Variants in SBNO2 observed in about 807,000 individuals in gnomAD.
SBNO2 encodes strawberry notch homolog 2, also known as protein strawberry notch homolog 2.
Under a neutral mutation model 146.3 loss-of-function variants are expected in SBNO2, and 89 were observed. The observed-to-expected ratio is 0.61, with a 90% CI of 0.51 to 0.73. The LOEUF is 0.73. Ranked by LOEUF, SBNO2 falls within the 30% of genes least tolerant of loss-of-function variation. The pLI, the probability that SBNO2 is intolerant of heterozygous loss-of-function variation, is 0.00. For synonymous variants in SBNO2, 1,147 were observed against 892.6 expected, an observed-to-expected ratio of 1.29 and a Z score of -5.08; for missense variants, 2,092 against 2,003.7, an observed-to-expected ratio of 1.04 and a Z score of -0.84.
chr19:1,167,970 C>T (rs1485797489), intron 1 of SBNO2, among the ~76,000 whole-genome samples: 2 of 152,188 alleles, frequency 1.3e-5, no homozygotes, highest in African/African-American at 2.4e-5. Flanking sequence ...CCCCACCCCT[C>T]CCACATCCTC....
intron 9 of SBNO2, 21 bp downstream of exon 9, chr19:1,122,637 C>T (rs1568577418): frequency 2.0e-6 from 3 of 1,527,496 alleles, no homozygotes; most frequent in African/African-American, 1.4e-5. Context: ...CTCCCGCCCC[C>T]TGCCCCAGGC....
intron 4 of SBNO2, among the ~76,000 whole-genome samples, chr19:1,139,859 C>T (rs1157266908): frequency 6.6e-6 from 1 of 151,914 alleles, no homozygotes; most frequent in Non-Finnish European, 1.5e-5. Flanking sequence ...ACAGGAGAAT[C>T]GCTTGAACCT....
rs1004825261 is a variant in SBNO2, at chr19:1,120,095, C to G, written c.1150-72G>C. The G allele has an allele frequency of 6.5e-6, 8 of 1,224,640 alleles. No individual in the cohort carries two copies. In the African/African-American group the frequency reaches 1.2e-4, roughly 19 times the overall value. The allele number at this position is 1,224,640 out of a possible 1,614,324, so 75.9% of individuals were successfully genotyped here. On this transcript the variant is annotated intron_variant, in intron 11 of 31. Transcript: ENST00000361757. ...CCCAGGAGCCCAGGTCCTGACCACCCAAGACCCCACCTTCCTGGTGGGGGG... is the reference window on the plus strand; with the variant it reads ...CCCAGGAGCCCAGGTCCTGACCACCGAAGACCCCACCTTCCTGGTGGGGGG...
chr19:1,123,905 G>C, intron 6 of SBNO2, 37 bp downstream of exon 6: 1 of 1,586,124 alleles, frequency 6.3e-7, no homozygotes, highest in Non-Finnish European at 8.6e-7. Context: ...TCCCATGAGA[G>C]GGCAGGGGAG....
chr19:1,115,935 G>T lies in SBNO2; in HGVS notation c.1885+86C>A, dbSNP rs78208270. On this transcript the variant is annotated intron_variant, in intron 17 of 31. Transcript: ENST00000361757. ...CATTTGGCTGAGTGGACGGGGGAGT[G>T]GGGGAAGCAGGGAGCGACCAGCCAG... 6.2e-3 allele frequency: 6,724 copies of T among 1,090,408 alleles called. 267 individuals carry two copies. The African/African-American group carries it at 0.091, about 15-fold the overall frequency. 67.5% of individuals were successfully genotyped at this position (1,090,408 alleles called of 1,614,324 possible).
intron 4 of SBNO2, chr19:1,128,352 A>G (rs2079991245): frequency 1.4e-5 from 5 of 354,882 alleles, no homozygotes; most frequent in Non-Finnish European, 2.8e-5. Flanking sequence ...GGGATGACAC[A>G]CACACACGCG....
intron 5 of SBNO2, 154 bp downstream of exon 5, chr19:1,127,450 C>T (rs753418676): frequency 1.4e-6 from 1 of 730,494 alleles, no homozygotes; most frequent in Non-Finnish European, 2.3e-6. Flanking sequence ...AACTAACCAC[C>T]TCATCCATGG....
At chr19:1,167,301 C>T (rs146151271) in intron 1 of SBNO2, among the ~76,000 whole-genome samples, 5 of 152,388 alleles carry the variant, frequency 3.3e-5, no homozygotes, top group African/African-American at 1.2e-4. Flanking sequence ...CTGCTGACAA[C>T]GACACCCACG....
intron 1 of SBNO2, among the ~76,000 whole-genome samples, chr19:1,156,427 A>AGGAGGC (rs888654590): frequency 4.6e-5 from 7 of 152,226 alleles, no homozygotes; most frequent in South Asian, 2.1e-4. Context: ...GCCCAAAACC[A>AGGAGGC]GGAGGCGGAG....
In SBNO2 at chr19:1,127,762, A is replaced by C; in HGVS notation, c.283T>G (p.Ser95Ala). 1 of 1,612,938 alleles carries C rather than the reference A, an allele frequency of 6.2e-7. No individual in the cohort carries two copies. The highest frequency in any genetic ancestry group is 8.5e-7 in the Non-Finnish European group (1 of 1,179,360). The change falls in exon 5 of 32, where the codon TCC (serine) becomes GCC (alanine). Residue 95 changes from serine to alanine, a missense_variant. Physicochemically the swap from Ser to Ala is moderately conservative, Grantham distance 99. Coordinates refer to ENST00000361757, the MANE Select transcript of SBNO2 (RefSeq NM_014963.3). Reference protein sequence around the residue: ...PPKTCDFAQDSSYFEDFSNIS... With the variant: ...PPKTCDFAQDASYFEDFSNIS... ...TTGGAGAAGTCCTCAAAATAGGAGG[A>C]GTCCTGGAAGACAAGGCCAGGCCCG...
At chr19:1,111,199 C>A (rs2079755235) in intron 24 of SBNO2, 106 bp from the exon 25 acceptor site, 1 of 1,295,298 alleles carries the variant, frequency 7.7e-7, no homozygotes, top group Admixed American at 2.3e-5. Flanking sequence ...GGCTGGGGAG[C>A]AGCTGCAGCC....
chr19:1,114,343 G>T lies in SBNO2; in HGVS notation c.1965C>A (p.Ser655Arg). 6.4e-7 allele frequency: 1 copy of T among 1,557,258 alleles called. No individual in the cohort carries two copies. Among genetic ancestry groups the T allele is most frequent in the South Asian group, 1.2e-5 (1 of 84,406 alleles). ...TAGVIRISDD[S>R]STESDPGLDS... ...CCAGGCCAGGGTCCGACTCCGTGCT[G>T]CTGTCGTCACTGATGCGGATGACGC... The change falls in exon 18 of 32, where the codon AGC becomes AGA. Residue 655 changes from serine (S) to arginine (R), a missense_variant. Transcript: ENST00000361757.
rs1340866379 is a variant in SBNO2 at position 1,108,532 on chromosome 19, G to A, written c.3789C>T (p.Pro1263=). The A allele has an allele frequency of 1.1e-5, 13 of 1,220,862 alleles. No homozygotes were observed. Among genetic ancestry groups the A allele is most frequent in the Non-Finnish European group, 1.2e-5 (12 of 978,718 alleles). The allele number at this position is 1,220,862 out of a possible 1,614,324, so 75.6% of individuals were successfully genotyped here. A position where few individuals can be genotyped will look rare whatever the true frequency, so the allele number is the denominator to read the frequency against. The part of the protein sequence containing the change: ...PGEVLDLTYS[P]PAEAFPPPPH... ...GGGGCGGCGGGAAGGCCTCGGCCGGGGGGCTGTAGGTGAGGTCCAGCACCT... is the reference window on the plus strand; with the variant it reads ...GGGGCGGCGGGAAGGCCTCGGCCGGAGGGCTGTAGGTGAGGTCCAGCACCT... The change falls in exon 32 of 32, where the codon CCC becomes CCT. Residue 1263 remains proline (P), a synonymous_variant. Coordinates refer to ENST00000361757, the MANE Select transcript of SBNO2 (RefSeq NM_014963.3).
chr19:1,164,879 G>A, intron 1 of SBNO2, among the ~76,000 whole-genome samples: 1 of 108,466 alleles, frequency 9.2e-6, no homozygotes, highest in African/African-American at 3.5e-5. Flanking sequence ...ACAGGAGGAG[G>A]AGGAGGAACA....
intron 1 of SBNO2, among the ~76,000 whole-genome samples, chr19:1,167,693 G>A (rs1001072264): frequency 6.6e-6 from 1 of 152,104 alleles, no homozygotes. Context: ...CCTGTGCCCC[G>A]GGAGGCACCA....
rs2079700831 is a variant in SBNO2 at position 1,108,414 on chromosome 19, G to C, written c.3907C>G (p.Leu1303Val). Residue 1303 changes from leucine to valine, a missense_variant, in exon 32 of 32, where the codon CTC (leucine) becomes GTC (valine). Transcript: ENST00000361757. ...TPDAQADPAA[L>V]AHQGCDINFK... ...TTGATGTCGCAGCCCTGGTGCGCGAGGGCCGCAGGGTCGGCCTGGGCGTCG... is the reference window on the plus strand; with the variant it reads ...TTGATGTCGCAGCCCTGGTGCGCGACGGCCGCAGGGTCGGCCTGGGCGTCG... 1 of 1,272,824 alleles carries C rather than the reference G, an allele frequency of 7.9e-7. No individual in the cohort carries two copies. Among genetic ancestry groups the C allele is most frequent in the African/African-American group, 1.6e-5 (1 of 61,864 alleles). The allele number at this position is 1,272,824 out of a possible 1,614,324, so 78.8% of individuals were successfully genotyped here.
rs8104103 is a variant in SBNO2, at chr19:1,170,734, C to T, written c.-127+3438G>A. Among the ~76,000 whole-genome samples, 878 of 152,214 alleles carry T rather than the reference C, an allele frequency of 5.8e-3. 4 individuals are homozygous for T. The highest frequency in any genetic ancestry group is 9.7e-3 in the Non-Finnish European group (662 of 68,008). ...TGCATGAGAACACGCAGCACGCACA[C>T]AACACACACAACGGACACGTGCATA... On this transcript the variant is annotated intron_variant, in intron 1 of 31. Coordinates refer to ENST00000361757, the MANE Select transcript of SBNO2 (RefSeq NM_014963.3).
intron 4 of SBNO2, among the ~76,000 whole-genome samples, chr19:1,132,634 T>G (rs2080043865): frequency 1.3e-5 from 2 of 152,182 alleles, no homozygotes; most frequent in African/African-American, 2.4e-5. Context: ...ACCCCACGCA[T>G]GCCAAGCGCA....
chr19:1,116,378 C>T (rs1264354788), intron 16 of SBNO2, among the ~76,000 whole-genome samples: 1 of 140,972 alleles, frequency 7.1e-6, no homozygotes, highest in Non-Finnish European at 1.5e-5. Context: ...AGGACAGGGG[C>T]AGGGGGCAGG....
Sources: allele counts gnomAD v4.1 joint callset (sites outside exome capture counted in the v4.1 genomes callset), GRCh38; gene constraint gnomAD v4.1.1; transcripts MANE v1.5; gene names NCBI Gene and HGNC (gene_info 2026-07-23, HGNC 2026-07-21).